Variants in GRID1 observed in about 807,000 individuals in gnomAD.
GRID1 encodes glutamate ionotropic receptor delta type subunit 1.
Under a neutral mutation model 98.0 loss-of-function variants are expected in GRID1, and 28 were observed. The observed-to-expected ratio is 0.29, with a 90% CI of 0.21 to 0.39. The LOEUF is 0.39. Among genes scored for constraint, GRID1 ranks in the 10% least tolerant of loss-of-function variants. The pLI, the probability that GRID1 is intolerant of heterozygous loss-of-function variation, is 1.00. For missense variants in GRID1, 1,111 were observed against 1,340.5 expected, an observed-to-expected ratio of 0.83 and a Z score of 2.67; for synonymous variants, 553 against 538.5, an observed-to-expected ratio of 1.03 and a Z score of -0.37.
chr10:85,615,384 G>A (rs1842776454), intron 14 of GRID1, among the ~76,000 whole-genome samples: 1 of 152,240 alleles, frequency 6.6e-6, no homozygotes, highest in Non-Finnish European at 1.5e-5. Flanking sequence ...AGACCCTTCA[G>A]GACAGGAGCT....
intron 15 of GRID1, chr10:85,607,245 T>C (rs1336595225): frequency 6.6e-6 from 1 of 152,226 alleles, no homozygotes; most frequent in Non-Finnish European, 1.5e-5. Flanking sequence ...TGTAACAGCC[T>C]GTTACACATG....
intron 4 of GRID1, among the ~76,000 whole-genome samples, chr10:86,040,749 T>G (rs1287289704): frequency 6.6e-6 from 1 of 152,182 alleles, no homozygotes; most frequent in Non-Finnish European, 1.5e-5. Flanking sequence ...GAATTTTGAA[T>G]GTTCCCACAA....
At chr10:86,237,218 G>C (rs1846553391) in intron 2 of GRID1, among the ~76,000 whole-genome samples, 1 of 152,158 alleles carries the variant, frequency 6.6e-6, no homozygotes, top group South Asian at 2.1e-4. Context: ...CTCAGAATGT[G>C]AACTTATTTG....
chr10:85,876,570 T>G (rs1189421761), intron 5 of GRID1, among the ~76,000 whole-genome samples: 1 of 152,224 alleles, frequency 6.6e-6, no homozygotes, highest in Non-Finnish European at 1.5e-5. Context: ...TTGGATATCT[T>G]TGGAGTCCAT....
chr10:85,918,244 T>C (rs948824533), intron 4 of GRID1, among the ~76,000 whole-genome samples: 1 of 152,104 alleles, frequency 6.6e-6, no homozygotes, highest in Admixed American at 6.5e-5. Flanking sequence ...AAACTCAAAG[T>C]CCTACACTCA....
intron 4 of GRID1, among the ~76,000 whole-genome samples, chr10:86,029,574 G>A (rs182094356): frequency 2.9e-4 from 44 of 152,272 alleles, no homozygotes; most frequent in African/African-American, 1.0e-3. Context: ...TACCAAAAAT[G>A]AGGACTGGAG....
chr10:86,334,543 T>C (rs1848197412), intron 2 of GRID1, among the ~76,000 whole-genome samples: 1 of 152,214 alleles, frequency 6.6e-6, no homozygotes, highest in African/African-American at 2.4e-5. Flanking sequence ...CACACCTTTT[T>C]ACCTGAAGTA....
In GRID1 at chr10:86,087,510, C is replaced by CTGTGTGTGTG. The variant is rs60644459; in HGVS notation, c.726+51299_726+51308dup. ...AGAAGATCCAAGTGTGTGTGTGTGT[C>CTGTGTGTGTG]TGTGTGTGTGTGTGTGTGTGTGTGT... On this transcript the variant is annotated intron_variant, in intron 4 of 15. Transcript: ENST00000327946. Among the ~76,000 whole-genome samples, 1,164 of 140,970 alleles carry CTGTGTGTGTG rather than the reference C, an allele frequency of 8.3e-3. 18 individuals carry two copies. Among genetic ancestry groups the CTGTGTGTGTG allele is most frequent in the African/African-American group, 0.025 (965 of 39,162 alleles). The allele number at this position is 140,970 out of a possible 152,430, so 92.5% of individuals were successfully genotyped here. A position where few individuals can be genotyped will look rare whatever the true frequency, so the allele number is the denominator to read the frequency against.
chr10:86,201,844 T>C (rs1455847416), intron 3 of GRID1, among the ~76,000 whole-genome samples: 1 of 151,868 alleles, frequency 6.6e-6, no homozygotes, highest in East Asian at 1.9e-4. Flanking sequence ...AAAAAAACTA[T>C]CAAGGAAAGC....
At position 86,011,660 on chromosome 10, in the gene GRID1, A is replaced by G. The variant is rs142324114; in HGVS notation, c.727-95421T>C. On this transcript the variant is annotated intron_variant, in intron 4 of 15. Coordinates refer to ENST00000327946, the MANE Select transcript of GRID1 (RefSeq NM_017551.3). ...AGGAAAGAACGTAATTTCAGATCAG[A>G]CTAAATTCACTGATATGGAAGCACT... Among the ~76,000 whole-genome samples the G allele has an allele frequency of 2.4e-3, 364 of 152,340 alleles. 2 individuals carry two copies. Among genetic ancestry groups the G allele is most frequent in the African/African-American group, 8.3e-3 (343 of 41,572 alleles).
At chr10:86,100,595 G>A (rs1305885220) in intron 4 of GRID1, among the ~76,000 whole-genome samples, 1 of 152,178 alleles carries the variant, frequency 6.6e-6, no homozygotes, top group African/African-American at 2.4e-5. Flanking sequence ...AGTTTTCACA[G>A]GTTGGTCAGA....
intron 5 of GRID1, among the ~76,000 whole-genome samples, chr10:85,899,655 T>C (rs147393992): frequency 6.6e-6 from 1 of 152,294 alleles, no homozygotes; most frequent in African/African-American, 2.4e-5. Flanking sequence ...CACTCAGCAA[T>C]GTGTCTTCCC....
intron 4 of GRID1, among the ~76,000 whole-genome samples, chr10:85,953,799 C>T (rs1051951964): frequency 6.6e-6 from 1 of 152,218 alleles, no homozygotes; most frequent in Non-Finnish European, 1.5e-5. Context: ...GAAACCCTCA[C>T]ACAGAAATAT....
At chr10:86,020,048 C>A (rs1427111791) in intron 4 of GRID1, among the ~76,000 whole-genome samples, 1 of 152,340 alleles carries the variant, frequency 6.6e-6, no homozygotes, top group East Asian at 1.9e-4. Context: ...ATCACCTAAG[C>A]CAAATTCAAT....
chr10:85,697,031 T>C (rs1841402091), intron 12 of GRID1, among the ~76,000 whole-genome samples: 2 of 152,104 alleles, frequency 1.3e-5, no homozygotes, highest in South Asian at 4.1e-4. Flanking sequence ...GAGATTTAAT[T>C]CTATGGCTCA....
At chr10:86,025,029 T>C (rs1333780426) in intron 4 of GRID1, among the ~76,000 whole-genome samples, 1 of 152,182 alleles carries the variant, frequency 6.6e-6, no homozygotes. Flanking sequence ...CACACATGGT[T>C]TGAAACTGCT....
At chr10:85,620,196 G>A (rs1024220529) in intron 13 of GRID1, among the ~76,000 whole-genome samples, 163 bp from the exon 14 acceptor site, 1 of 152,324 alleles carries the variant, frequency 6.6e-6, no homozygotes, top group African/African-American at 2.4e-5. Context: ...GCCTACAAAT[G>A]CCAGCATTGG....
chr10:86,332,165 G>A (rs990649270), intron 2 of GRID1, among the ~76,000 whole-genome samples: 2 of 152,196 alleles, frequency 1.3e-5, no homozygotes, highest in Non-Finnish European at 2.9e-5. Context: ...CAGAGGGGCC[G>A]TCCCTGGCCT....
At chr10:86,150,340 C>A (rs1275661095) in intron 3 of GRID1, among the ~76,000 whole-genome samples, 1 of 152,172 alleles carries the variant, frequency 6.6e-6, no homozygotes, top group East Asian at 1.9e-4. Context: ...GAAGGCTAAC[C>A]ATACCATGAA....
Sources: gnomAD v4.1 joint callset for allele counts (sites outside exome capture counted in the v4.1 genomes callset) on GRCh38, gnomAD v4.1.1 for gene constraint, MANE v1.5 for transcripts, NCBI Gene and HGNC (gene_info 2026-07-23, HGNC 2026-07-21) for gene names.